The following PACS2 variants were observed in gnomAD, a reference collection of about 807,000 sequenced individuals.
PACS2 encodes the protein phosphofurin acidic cluster sorting protein 2, also known as PACS1-like protein.
A neutral mutation model predicts 113.0 loss-of-function variants in PACS2; 36 were observed. The observed-to-expected ratio is 0.32, with a 90% confidence interval of 0.24 to 0.42. The LOEUF is 0.42. PACS2 is among the 10% of genes least tolerant of loss of function. The pLI is 1.00. For missense variants in PACS2, 1,015 were observed against 1,239.5 expected, an observed-to-expected ratio of 0.82 and a Z score of 2.72; for synonymous variants, 589 against 536.1, an observed-to-expected ratio of 1.10 and a Z score of -1.36.
Position 105,395,149 on chromosome 14 carries a change from A to G in PACS2, c.*477A>G, listed in dbSNP as rs914192678. Reference sequence around the variant, plus strand: ...TCCTGCCCGCCTAAGAGATGCCCCCAGCACCGCACACTCGTGGTTCCCAAT... The same window carrying G: ...TCCTGCCCGCCTAAGAGATGCCCCCGGCACCGCACACTCGTGGTTCCCAAT... On this transcript the variant is annotated 3_prime_UTR_variant, in exon 25 of 25. Transcript: ENST00000447393. 6.2e-6 allele frequency: 1 copy of G among 160,008 alleles called. No individual in the cohort carries two copies. The highest frequency in any genetic ancestry group is 1.4e-5 in the Non-Finnish European group (1 of 72,536). 9.9% of individuals were successfully genotyped at this position (160,008 alleles called of 1,614,324 possible).
chr14:105,321,719 T>C (rs1283521173), intron 1 of PACS2, among the ~76,000 whole-genome samples: 3 of 145,474 alleles, frequency 2.1e-5, no homozygotes, highest in African/African-American at 5.7e-5. Context: ...AGAATTGTAA[T>C]TCTAGGTATT....
At chr14:105,313,760 A>G (rs1039977033), upstream of PACS2, among the ~76,000 whole-genome samples, 1 of 152,266 alleles carries the variant, frequency 6.6e-6, no homozygotes, top group Non-Finnish European at 1.5e-5. Context: ...CTGTGAAACA[A>G]GGAAACAGAA....
chr14:105,330,277 G>A lies in PACS2; in HGVS notation c.119+15240G>A. Among the ~76,000 whole-genome samples, 1 of 120,924 alleles carries A rather than the reference G, an allele frequency of 8.3e-6. No homozygotes were observed. Among genetic ancestry groups the A allele is most frequent in the East Asian group, 2.5e-4 (1 of 3,934 alleles). 79.3% of individuals were successfully genotyped at this position (120,924 alleles called of 152,430 possible). ...AAGCCTGGGGTCCGTGTGTGGGACG[G>A]AATGGGGACAGGAGCCTCCGAGAAG... On this transcript the variant is annotated intron_variant, in intron 1 of 24. Coordinates refer to ENST00000447393, the MANE Select transcript of PACS2 (RefSeq NM_001100913.3). The surrounding 1 kb of genome is among the most constrained non-coding windows in gnomAD (Gnocchi z 6.9).
At position 105,329,510 on chromosome 14, in the gene PACS2, G is replaced by A. The variant is rs2059223971; in HGVS notation, c.119+14473G>A. Among the ~76,000 whole-genome samples, 1 of 152,138 alleles carries A rather than the reference G, an allele frequency of 6.6e-6. No homozygotes were observed. The highest frequency in any genetic ancestry group is 2.4e-5 in the African/African-American group (1 of 41,420). On this transcript the variant is annotated intron_variant, in intron 1 of 24. Transcript: ENST00000447393. This position sits in a 1 kb window ranked among gnomAD's most constrained non-coding sequence, Gnocchi z 6.4. ...CCTCCAGGAGCTCTGGGAGAGTCTAGGATGCTCTAGATCCTTGGGCTCATG... is the reference window on the plus strand; with the variant it reads ...CCTCCAGGAGCTCTGGGAGAGTCTAAGATGCTCTAGATCCTTGGGCTCATG...
chr14:105,311,145 G>T (rs976972948), upstream of PACS2, among the ~76,000 whole-genome samples: 5 of 152,066 alleles, frequency 3.3e-5, no homozygotes, highest in Admixed American at 6.5e-5. Context: ...GTAGAGATGG[G>T]GTTTCACTAT....
chr14:105,384,358 C>G lies in PACS2; in HGVS notation c.1786C>G (p.His596Asp). 3 of 1,605,132 alleles carry G rather than the reference C, an allele frequency of 1.9e-6. No homozygotes were observed. The highest frequency in any genetic ancestry group is 2.6e-6 in the Non-Finnish European group (3 of 1,174,146). Residue 596 changes from histidine (H) to aspartate (D), a missense_variant, in exon 17 of 25, where the codon CAC becomes GAC. By Grantham distance (81) the His-to-Asp change is moderately conservative (BLOSUM62 -1). Transcript: ENST00000447393. ...MRFLVIPLGS[H>D]PVARYLGSVD... ...GCCCCACCCCTGGCATGCAGGCTCC[C>G]ACCCCGTGGCCAGGTACCTAGGCTC... is the stretch of plus-strand genomic sequence containing the variant.
At position 105,324,986 on chromosome 14, in the gene PACS2, AC is replaced by A. The variant is rs926982195; in HGVS notation, c.119+9952del. 6.6e-4 allele frequency among the ~76,000 whole-genome samples: 100 copies of A among 152,000 alleles called. No individual in the cohort carries two copies. The highest frequency in any genetic ancestry group is 6.8e-3 in the Middle Eastern group (2 of 294). On this transcript the variant is annotated intron_variant, in intron 1 of 24. Transcript: ENST00000447393. The surrounding 1 kb of genome is among the most constrained non-coding windows in gnomAD (Gnocchi z 4.7). ...GTGCACACGGGCCTGGGGCTGAGCA[AC>A]CCGCTCTGGGCCTGGCTGTTCCGCT...
intron 1 of PACS2, among the ~76,000 whole-genome samples, chr14:105,321,134 G>T (rs962547708): frequency 4.6e-5 from 7 of 151,810 alleles, no homozygotes; most frequent in Admixed American, 1.3e-4. Flanking sequence ...ATTTTTTTTT[G>T]AACCTGCTTT....
chr14:105,351,250 G>A (rs587678856), intron 2 of PACS2, among the ~76,000 whole-genome samples: 8 of 152,362 alleles, frequency 5.3e-5, no homozygotes, highest in South Asian at 2.1e-4. Flanking sequence ...ACAGCACTGC[G>A]ATAAGCACGT....
intron 12 of PACS2, among the ~76,000 whole-genome samples, chr14:105,381,637 G>A (rs77766269): frequency 0.027 from 4,078 of 152,282 alleles, 191 homozygotes; most frequent in African/African-American, 0.092. Flanking sequence ...CCTCACGGTG[G>A]CTCCAAGCCT....
In PACS2 at chr14:105,348,529, CAAGGAGCTGGAG is replaced by C; in HGVS notation, c.166_177del (p.Glu56_Leu59del). ...TGACTCTGAAGAAGCTGGTGGTCTT[CAAGGAGCTGGAG>C]AAGGAGCTGATCTCCGTGGTGATCG... On this transcript the variant is annotated inframe_deletion, in exon 2 of 25. Transcript: ENST00000447393. The surrounding 1 kb of genome is among the most constrained non-coding windows in gnomAD (Gnocchi z 6.4). The C allele has an allele frequency of 6.2e-7, 1 of 1,612,582 alleles. No homozygotes were observed. The highest frequency in any genetic ancestry group is 8.5e-7 in the Non-Finnish European group (1 of 1,179,832).
At chr14:105,391,393 C>G in intron 21 of PACS2, 144 bp downstream of exon 21, 1 of 705,926 alleles carries the variant, frequency 1.4e-6, no homozygotes, top group Admixed American at 2.3e-5. Flanking sequence ...TTCTGTCCTG[C>G]GGGGGGTTCA....
chr14:105,347,132 T>A (rs1378666344), intron 1 of PACS2, among the ~76,000 whole-genome samples: 1 of 148,462 alleles, frequency 6.7e-6, no homozygotes, highest in Non-Finnish European at 1.5e-5. Context: ...GCCCCTTGGC[T>A]TCTCTCAGCA....
intron 20 of PACS2, chr14:105,390,236 T>C: frequency 1.8e-6 from 1 of 568,464 alleles, no homozygotes; most frequent in Non-Finnish European, 3.2e-6. Flanking sequence ...GGCTGATAAA[T>C]GGAAGCAGAG....
intron 4 of PACS2, among the ~76,000 whole-genome samples, chr14:105,362,239 A>G (rs1214994824): frequency 6.6e-6 from 1 of 150,598 alleles, no homozygotes; most frequent in Non-Finnish European, 1.5e-5. Flanking sequence ...TAACACAGTG[A>G]AACACCGTCT....
chr14:105,328,452 G>A (rs1441347082), intron 1 of PACS2, among the ~76,000 whole-genome samples: 3 of 152,224 alleles, frequency 2.0e-5, no homozygotes, highest in Non-Finnish European at 2.9e-5. Context: ...AGTTGGACAC[G>A]GACGCTCCAG....
chr14:105,318,681 T>A (rs2058761653), intron 1 of PACS2, among the ~76,000 whole-genome samples: 1 of 150,534 alleles, frequency 6.6e-6, no homozygotes, highest in African/African-American at 2.4e-5. Context: ...TATTTTGAGA[T>A]GGAGTCTCGC....
At chr14:105,381,123 C>T (rs782325324) in intron 12 of PACS2, 24 bp downstream of exon 12, 38 of 1,582,210 alleles carry the variant, frequency 2.4e-5, no homozygotes, top group Non-Finnish European at 3.0e-5. Flanking sequence ...CACGGCGGGG[C>T]GGGGCGGTGA....
In PACS2 at chr14:105,315,119, C is replaced by T. The variant is rs1402313295; in HGVS notation, c.119+82C>T. 14 of 872,110 alleles carry T rather than the reference C, an allele frequency of 1.6e-5. No individual in the cohort carries two copies. Among genetic ancestry groups the T allele is most frequent in the Non-Finnish European group, 2.0e-5 (14 of 715,940 alleles). 54.0% of individuals were successfully genotyped at this position (872,110 alleles called of 1,614,324 possible). A position where few individuals can be genotyped will look rare whatever the true frequency, so the allele number is the denominator to read the frequency against. ...CCGCGGCCTCTGCGCGCCCCATCCCCGGCCCGGGTCCCCCAGCGGAGCCCA... is the reference window on the plus strand; with the variant it reads ...CCGCGGCCTCTGCGCGCCCCATCCCTGGCCCGGGTCCCCCAGCGGAGCCCA... On this transcript the variant is annotated intron_variant, in intron 1 of 24. Transcript: ENST00000447393. This position sits in a 1 kb window ranked among gnomAD's most constrained non-coding sequence, Gnocchi z 4.4.
Sources: allele counts gnomAD v4.1 joint callset (sites outside exome capture counted in the v4.1 genomes callset), GRCh38; gene constraint gnomAD v4.1.1; non-coding constraint Gnocchi (gnomAD v3.1); transcripts MANE v1.5; gene names NCBI Gene and HGNC (gene_info 2026-07-23, HGNC 2026-07-21).